The following ZBTB20 variants were observed in gnomAD, a reference collection of about 807,000 sequenced individuals.
ZBTB20 encodes the protein zinc finger and BTB domain containing 20.
Under a neutral mutation model 56.9 loss-of-function variants are expected in ZBTB20, and 9 were observed. The ratio of observed to expected loss-of-function variants is 0.16; its 90% CI spans 0.10 to 0.28. The LOEUF (loss-of-function observed/expected upper bound fraction) is 0.28, where lower values mean the gene tolerates loss of function less well. Ranked by LOEUF, ZBTB20 falls within the 10% of genes least tolerant of loss-of-function variation. ZBTB20 has a pLI of 1.00. For synonymous variants in ZBTB20, 417 were observed against 420.7 expected (o/e 0.99, Z 0.11); for missense variants, 655 against 1,003.0 (o/e 0.65, Z 4.69).
At chr3:114,718,158 A>G (rs979312973) in intron 5 of ZBTB20, among the ~76,000 whole-genome samples, 28 of 152,118 alleles carry the variant, frequency 1.8e-4, no homozygotes, top group African/African-American at 6.0e-4. Context: ...TTTATGAACT[A>G]CTTTTGAAAA....
intron 4 of ZBTB20, among the ~76,000 whole-genome samples, chr3:114,864,338 C>G (rs1427246861): frequency 6.6e-6 from 1 of 152,000 alleles, no homozygotes; most frequent in African/African-American, 2.4e-5. Context: ...ACCTCAGTAT[C>G]TCTCATTTCT....
At chr3:114,810,494 A>G (rs2072440559) in intron 4 of ZBTB20, among the ~76,000 whole-genome samples, 1 of 152,092 alleles carries the variant, frequency 6.6e-6, no homozygotes, top group Non-Finnish European at 1.5e-5. Context: ...GTGGGTTTTC[A>G]TGACTTGTCC....
chr3:115,053,749 T>C (rs1485732648), intron 2 of ZBTB20, among the ~76,000 whole-genome samples: 1 of 152,134 alleles, frequency 6.6e-6, no homozygotes, highest in African/African-American at 2.4e-5. Flanking sequence ...ATTATCCGAA[T>C]GCCCTATAAA....
chr3:115,057,261 A>AT (rs201096851), intron 2 of ZBTB20, among the ~76,000 whole-genome samples: 36 of 148,980 alleles, frequency 2.4e-4, no homozygotes, highest in South Asian at 4.2e-4. Context: ...TGTGTTCTTT[A>AT]TTTTTTTTTC....
At chr3:114,602,933 G>A (rs2056873632) in intron 6 of ZBTB20, among the ~76,000 whole-genome samples, 1 of 151,904 alleles carries the variant, frequency 6.6e-6, no homozygotes, top group Non-Finnish European at 1.5e-5. Context: ...GGAAATCATG[G>A]CAGAGAGAGA....
intron 1 of ZBTB20, among the ~76,000 whole-genome samples, chr3:115,102,170 C>T (rs1254579642): frequency 3.3e-5 from 5 of 152,120 alleles, no homozygotes. Flanking sequence ...CGTAATCCAC[C>T]AATTCAACCT....
chr3:114,686,705 G>A (rs1016186893), intron 6 of ZBTB20, among the ~76,000 whole-genome samples: 2 of 151,892 alleles, frequency 1.3e-5, no homozygotes, highest in Non-Finnish European at 2.9e-5. Flanking sequence ...CTGAATCCTC[G>A]AAAAACCACA....
chr3:114,843,465 G>A (rs138082942), intron 4 of ZBTB20, among the ~76,000 whole-genome samples: 301 of 152,274 alleles, frequency 2.0e-3, no homozygotes, highest in African/African-American at 6.8e-3. Flanking sequence ...GCCAGTAAAT[G>A]GGGAGCTAGG....
chr3:114,560,148 A>G (rs2051823401), intron 6 of ZBTB20, among the ~76,000 whole-genome samples: 1 of 152,182 alleles, frequency 6.6e-6, no homozygotes, highest in South Asian at 2.1e-4. Context: ...AACAGTGTAT[A>G]TTTTTCCACA....
chr3:114,374,358 T>A (rs2083376004), intron 10 of ZBTB20, among the ~76,000 whole-genome samples: 1 of 152,156 alleles, frequency 6.6e-6, no homozygotes, highest in South Asian at 2.1e-4. Context: ...CCAAAGACAC[T>A]CTATTACTGC....
At chr3:114,936,051 A>G (rs1252064348) in intron 3 of ZBTB20, among the ~76,000 whole-genome samples, 3 of 152,204 alleles carry the variant, frequency 2.0e-5, no homozygotes, top group Admixed American at 1.3e-4. Context: ...TGGCACCTGC[A>G]TAATTTAAAT....
intron 2 of ZBTB20, among the ~76,000 whole-genome samples, chr3:114,989,845 T>C (rs2078721917): frequency 6.6e-6 from 1 of 152,158 alleles, no homozygotes; most frequent in Non-Finnish European, 1.5e-5. Context: ...TTCCTAGGTA[T>C]TTTACTCTCT....
At chr3:114,882,161 C>CA (rs1165961399) in intron 4 of ZBTB20, among the ~76,000 whole-genome samples, 1 of 151,716 alleles carries the variant, frequency 6.6e-6, no homozygotes, top group Non-Finnish European at 1.5e-5. Flanking sequence ...AGCCAATTCA[C>CA]AAAAAAGTAA....
chr3:114,859,549 A>G (rs1348277812), intron 4 of ZBTB20, among the ~76,000 whole-genome samples: 1 of 143,300 alleles, frequency 7.0e-6, no homozygotes, highest in Non-Finnish European at 1.5e-5. Context: ...ACTTAGGGGG[A>G]AATTTAGATA....
chr3:114,473,491 C>G (rs1346196165), intron 7 of ZBTB20, among the ~76,000 whole-genome samples: 1 of 151,960 alleles, frequency 6.6e-6, no homozygotes, highest in Non-Finnish European at 1.5e-5. Flanking sequence ...TTTTGTAGCC[C>G]GGCAATTTCC....
At chr3:114,921,298 T>C (rs1226165311) in intron 3 of ZBTB20, among the ~76,000 whole-genome samples, 1 of 152,074 alleles carries the variant, frequency 6.6e-6, no homozygotes, top group Admixed American at 6.6e-5. Flanking sequence ...AGTTTTTGTA[T>C]TTTTAGTAGA....
At chr3:114,676,875 A>G (rs1057109115) in intron 6 of ZBTB20, among the ~76,000 whole-genome samples, 1 of 151,554 alleles carries the variant, frequency 6.6e-6, no homozygotes, top group Non-Finnish European at 1.5e-5. Flanking sequence ...CCCTGGTTCA[A>G]GCGATTCTCC....
chr3:114,939,511 T>A (rs1415617167), intron 3 of ZBTB20, among the ~76,000 whole-genome samples: 2 of 146,456 alleles, frequency 1.4e-5, no homozygotes, highest in Non-Finnish European at 2.9e-5. Context: ...AATAGGAAGT[T>A]TTTTTGCATT....
intron 5 of ZBTB20, among the ~76,000 whole-genome samples, chr3:114,705,507 C>T (rs1354893774): frequency 6.6e-6 from 1 of 151,936 alleles, no homozygotes; most frequent in Non-Finnish European, 1.5e-5. Context: ...GAAATAAGAC[C>T]ACAAGAAGGC....
Sources: allele counts gnomAD v4.1 joint callset (sites outside exome capture counted in the v4.1 genomes callset), GRCh38; gene constraint gnomAD v4.1.1; transcripts MANE v1.5; gene names NCBI Gene and HGNC (gene_info 2026-07-23, HGNC 2026-07-21).